Variants in ANO10 observed in about 807,000 individuals in gnomAD.
ANO10 encodes anoctamin-10.
A neutral mutation model predicts 74.7 loss-of-function variants in ANO10; 77 were observed. The ratio of observed to expected loss-of-function variants is 1.03; its 90% CI spans 0.86 to 1.25. ANO10 has a LOEUF of 1.25. Among genes scored for constraint, ANO10 ranks in the 50% most tolerant of loss-of-function variants. The probability of loss-of-function intolerance (pLI) is 0.00; values close to 1 mark genes in which losing one functional copy is unlikely to be tolerated. For missense variants in ANO10, 721 were observed against 778.1 expected (o/e 0.93, Z 0.87); for synonymous variants, 279 against 284.9 (o/e 0.98, Z 0.21).
At position 43,565,849 on chromosome 3, in the gene ANO10, G is replaced by A; in HGVS notation, c.1219-122C>T. On this transcript the variant is annotated intron_variant, in intron 7 of 12. Transcript: ENST00000292246. ...GGGAGGAGCCAAGAGGGCCGAATAGGAACAGCTCCAGTCTACAGCTCCCAG... is the reference window on the plus strand; with the variant it reads ...GGGAGGAGCCAAGAGGGCCGAATAGAAACAGCTCCAGTCTACAGCTCCCAG... 3 of 1,004,758 alleles carry A rather than the reference G, an allele frequency of 3.0e-6. No individual in the cohort carries two copies. The Admixed American group carries it at 6.7e-5, about 22-fold the overall frequency. 62.2% of individuals were successfully genotyped at this position (1,004,758 alleles called of 1,614,324 possible).
chr3:43,406,012 G>A (rs2092569658), intron 12 of ANO10, among the ~76,000 whole-genome samples: 1 of 152,058 alleles, frequency 6.6e-6, no homozygotes, highest in African/African-American at 2.4e-5. Context: ...GAAAAGGAAG[G>A]GGAAAAAAAG....
At chr3:43,538,107 T>C (rs2078795667) in intron 11 of ANO10, among the ~76,000 whole-genome samples, 1 of 152,116 alleles carries the variant, frequency 6.6e-6, no homozygotes, top group Admixed American at 6.5e-5. Flanking sequence ...TACTAAAAAA[T>C]GATAGTTAGA....
intron 1 of ANO10, among the ~76,000 whole-genome samples, chr3:43,611,836 A>G (rs2082832513): frequency 6.6e-6 from 1 of 152,154 alleles, no homozygotes; most frequent in Non-Finnish European, 1.5e-5. Context: ...GGCTGATAGT[A>G]AAATAAGTAG....
At chr3:43,386,662 T>TGTGTGTGG in intron 12 of ANO10, among the ~76,000 whole-genome samples, 1 of 150,796 alleles carries the variant, frequency 6.6e-6, no homozygotes, top group Non-Finnish European at 1.5e-5. Flanking sequence ...TGTGTGTGTG[T>TGTGTGTGG]GTGTGTGTGT....
chr3:43,395,450 G>C (rs929691461), intron 12 of ANO10, among the ~76,000 whole-genome samples: 4 of 151,950 alleles, frequency 2.6e-5, no homozygotes, highest in South Asian at 2.1e-4. Flanking sequence ...TTACATCTAC[G>C]TCTATAATCC....
At chr3:43,546,849 A>G (rs1481737000) in intron 11 of ANO10, among the ~76,000 whole-genome samples, 1 of 152,168 alleles carries the variant, frequency 6.6e-6, no homozygotes, top group Non-Finnish European at 1.5e-5. Flanking sequence ...CCAGGAGAAG[A>G]GAGAGAGTGG....
chr3:43,445,711 TTTTG>T (rs1296001891), intron 11 of ANO10, among the ~76,000 whole-genome samples: 1 of 152,116 alleles, frequency 6.6e-6, no homozygotes, highest in Non-Finnish European at 1.5e-5. Context: ...TTTTTGTATT[TTTTG>T]TTTTTGAGAC....
intron 7 of ANO10, among the ~76,000 whole-genome samples, chr3:43,571,654 G>T (rs2080725475): frequency 6.7e-6 from 1 of 149,272 alleles, no homozygotes; most frequent in South Asian, 2.2e-4. Context: ...ATGGACACAG[G>T]AAGGGGAATA....
Position 43,374,887 on chromosome 3 carries a change from G to A in ANO10, c.1915-7913C>T, listed in dbSNP as rs1460870999. On this transcript the variant is annotated intron_variant, in intron 12 of 12. Coordinates refer to ENST00000292246, the MANE Select transcript of ANO10 (RefSeq NM_018075.5). ...TGTAATCCCAGCACTTTGGGAGGCC[G>A]AGGTGGACACATGACTTGAAGTCAG... 3.3e-5 allele frequency among the ~76,000 whole-genome samples: 5 copies of A among 151,222 alleles called. No homozygotes were observed. The East Asian group carries it at 5.9e-4, about 18-fold the overall frequency.
chr3:43,394,602 T>C (rs183975410), intron 12 of ANO10, among the ~76,000 whole-genome samples: 7 of 152,290 alleles, frequency 4.6e-5, no homozygotes, highest in Admixed American at 4.6e-4. Flanking sequence ...AACAACGCCC[T>C]TACACTTGCA....
chr3:43,646,707 A>G (rs1449634902), intron 1 of ANO10, among the ~76,000 whole-genome samples: 2 of 151,958 alleles, frequency 1.3e-5, no homozygotes, highest in Non-Finnish European at 2.9e-5. Flanking sequence ...ACAAGGTTTC[A>G]CCATGTTGGC....
At chr3:43,592,314 G>A (rs2081824548) in intron 4 of ANO10, among the ~76,000 whole-genome samples, 1 of 152,242 alleles carries the variant, frequency 6.6e-6, no homozygotes. Context: ...GTGGGTCCCT[G>A]ACCACCGAGT....
rs149498534 is a variant in ANO10, at chr3:43,659,829, G to A, written c.-12+31688C>T. Among the ~76,000 whole-genome samples the A allele has an allele frequency of 6.5e-4, 99 of 152,242 alleles. 2 individuals are homozygous for A. Among genetic ancestry groups the A allele is most frequent in the African/African-American group, 2.3e-3 (96 of 41,540 alleles). On this transcript the variant is annotated intron_variant, in intron 1 of 3. Transcript: ENST00000413397. The stretch of plus-strand genomic sequence containing the variant: ...GACTGGAAGATGCCTCCCAGTAGGG[G>A]CCGACAAACACCTCATACAACCAGA...
chr3:43,453,759 T>C (rs890288106), intron 11 of ANO10, among the ~76,000 whole-genome samples: 1 of 152,252 alleles, frequency 6.6e-6, no homozygotes, highest in African/African-American at 2.4e-5. Flanking sequence ...TGTTGAACAC[T>C]ATATGTGAGA....
chr3:43,511,140 CA>C (rs1184778694), intron 11 of ANO10, among the ~76,000 whole-genome samples: 3 of 151,934 alleles, frequency 2.0e-5, no homozygotes, highest in African/African-American at 7.3e-5. Context: ...TCAATTAATG[CA>C]AAAAGAGATA....
chr3:43,659,171 A>G (rs894821700), intron 1 of ANO10, among the ~76,000 whole-genome samples: 2 of 152,092 alleles, frequency 1.3e-5, no homozygotes, highest in Admixed American at 1.3e-4. Context: ...TGCATTTCCA[A>G]CTGAGGTACC....
intron 11 of ANO10, among the ~76,000 whole-genome samples, chr3:43,497,429 T>C (rs1300994548): frequency 6.6e-6 from 1 of 152,224 alleles, no homozygotes; most frequent in Non-Finnish European, 1.5e-5. Flanking sequence ...GGGAGAACTG[T>C]CTTCAGAGTT....
At chr3:43,662,343 G>C (rs2083935862) in intron 1 of ANO10, among the ~76,000 whole-genome samples, 1 of 152,156 alleles carries the variant, frequency 6.6e-6, no homozygotes. Flanking sequence ...AAATAAAAAT[G>C]TTCTTTGAAA....
intron 1 of ANO10, among the ~76,000 whole-genome samples, chr3:43,642,599 C>T (rs1466709382): frequency 1.3e-5 from 2 of 151,708 alleles, no homozygotes; most frequent in African/African-American, 4.9e-5. Flanking sequence ...TTATGTGGTC[C>T]CAAAGTTAAA....
Sources: allele counts gnomAD v4.1 joint callset (sites outside exome capture counted in the v4.1 genomes callset), GRCh38; gene constraint gnomAD v4.1.1; transcripts MANE v1.5; gene names NCBI Gene and HGNC (gene_info 2026-07-23, HGNC 2026-07-21).